CSMD2: variants seen among roughly 807,000 people sequenced by gnomAD.
CSMD2 encodes the protein CUB and sushi domain-containing protein 2.
CSMD2 carries 130 observed loss-of-function variants against 398.5 expected under a neutral mutation model. The ratio of observed to expected loss-of-function variants is 0.33; its 90% CI spans 0.28 to 0.38. The LOEUF is 0.38. Ranked by LOEUF, CSMD2 falls within the 10% of genes least tolerant of loss-of-function variation. The pLI, the probability that CSMD2 is intolerant of heterozygous loss-of-function variation, is 1.00. For synonymous variants in CSMD2, 1,828 were observed against 1,908.5 expected (o/e 0.96, Z 1.10); for missense variants, 3,829 against 4,764.9 (o/e 0.80, Z 5.78).
chr1:33,893,275 T>C (rs575310763), intron 5 of CSMD2, among the ~76,000 whole-genome samples: 4 of 152,306 alleles, frequency 2.6e-5, no homozygotes, highest in African/African-American at 9.6e-5. Flanking sequence ...GTAAGCACAA[T>C]TTTTGGCACT....
rs116758173 is a variant in CSMD2, at chr1:33,779,989, C to T, written c.1664-7238G>A. 1.3e-3 allele frequency among the ~76,000 whole-genome samples: 205 copies of T among 152,176 alleles called. 1 individual carries two copies. Among genetic ancestry groups the T allele is most frequent in the Admixed American group, 5.2e-3 (80 of 15,288 alleles). On this transcript the variant is annotated intron_variant, in intron 12 of 70. Transcript: ENST00000373381. ...CAACAGCGTAGAGTCTAGAGAAGAG[C>T]TAGAAGCTCAGTGTAGTGGGAAGCT...
In CSMD2 at chr1:33,519,750, G is replaced by T; in HGVS notation, c.10736+62C>A. ...AGAGGCTTAGGGGTCTGGTGCGGGG[G>T]GCCCTGGAGGGAGAGAGGGAGGCCT... On this transcript the variant is annotated intron_variant, in intron 69 of 70. Coordinates refer to ENST00000373381, the MANE Select transcript of CSMD2 (RefSeq NM_001281956.2). The surrounding 1 kb of genome is among the most constrained non-coding windows in gnomAD (Gnocchi z 5.6). 1.9e-6 allele frequency: 3 copies of T among 1,612,654 alleles called. No homozygotes were observed. The highest frequency in any genetic ancestry group is 2.5e-6 in the Non-Finnish European group (3 of 1,178,874).
Position 33,580,863 on chromosome 1 carries a change from C to T in CSMD2, c.7277G>A (p.Ser2426Asn). 1 of 1,614,144 alleles carries T rather than the reference C, an allele frequency of 6.2e-7. No homozygotes were observed. Among genetic ancestry groups the T allele is most frequent in the Non-Finnish European group, 8.5e-7 (1 of 1,180,016 alleles). The change falls in exon 48 of 71, where the codon AGT becomes AAT. Residue 2426 changes from serine to asparagine, a missense_variant. Physicochemically the swap from Ser to Asn is conservative, Grantham distance 46. This residue lies in a region of CSMD2 where 723 missense variants were observed against 758.6 expected (regional missense o/e 0.95). Transcript: ENST00000373381. Reference protein sequence around the residue: ...SGQSPLLKALSGNYSAPLIVT... With the variant: ...SGQSPLLKALNGNYSAPLIVT... ...AATCAGGGGAGCTGAGTAATTCCCA[C>T]TGAGGGCTTTCAGCAGAGGACTCTG...
intron 4 of CSMD2, among the ~76,000 whole-genome samples, chr1:33,920,407 T>C (rs896157673): frequency 6.8e-6 from 1 of 147,482 alleles, no homozygotes; most frequent in Non-Finnish European, 1.5e-5. Context: ...CTGGGTGTGG[T>C]GGCGCACATC....
At chr1:33,964,121 C>T (rs1645470248) in intron 3 of CSMD2, among the ~76,000 whole-genome samples, 1 of 152,154 alleles carries the variant, frequency 6.6e-6, no homozygotes, top group African/African-American at 2.4e-5. Context: ...AGAACAACTG[C>T]TCTAAACAGT....
intron 25 of CSMD2, among the ~76,000 whole-genome samples, chr1:33,681,974 A>C (rs1221643236): frequency 2.0e-5 from 3 of 152,160 alleles, no homozygotes; most frequent in East Asian, 1.9e-4. Flanking sequence ...TCAAACAAAC[A>C]AACAAACATA....
At position 33,580,826 on chromosome 1, in the gene CSMD2, T is replaced by G. The variant is rs1638644106; in HGVS notation, c.7314A>C (p.Ser2438=). The change falls in exon 48 of 71, where the codon TCA becomes TCC. Residue 2438 remains serine (S), a synonymous_variant. Transcript: ENST00000373381. The part of the protein sequence containing the change: ...NYSAPLIVTS[S]SNSVYLRWSS... ...ACCAACGCAGGTACACAGAGTTGCT[T>G]GAGCTGGTGACAATCAGGGGAGCTG... 6.2e-7 allele frequency: 1 copy of G among 1,614,042 alleles called. No homozygotes were observed. The highest frequency in any genetic ancestry group is 8.5e-7 in the Non-Finnish European group (1 of 1,180,038).
intron 2 of CSMD2, among the ~76,000 whole-genome samples, chr1:34,082,468 G>A (rs1001357930): frequency 6.7e-5 from 10 of 150,310 alleles, no homozygotes; most frequent in Admixed American, 1.3e-4. Context: ...GGGCGCCCAC[G>A]CCCGGCAGCC....
intron 32 of CSMD2, among the ~76,000 whole-genome samples, chr1:33,631,378 G>T (rs1217276563): frequency 6.6e-6 from 1 of 151,974 alleles, no homozygotes; most frequent in African/African-American, 2.4e-5. Flanking sequence ...GAAAATAAAA[G>T]AAAAGCCACT....
At position 33,537,339 on chromosome 1, in the gene CSMD2, C is replaced by T; in HGVS notation, c.9805+97G>A. 1 of 1,341,512 alleles carries T rather than the reference C, an allele frequency of 7.5e-7. No individual in the cohort carries two copies. The highest frequency in any genetic ancestry group is 1.4e-5 in the South Asian group (1 of 73,956). The allele number at this position is 1,341,512 out of a possible 1,614,324, so 83.1% of individuals were successfully genotyped here. ...GAGATGTTCCCTTTTGCAGATGAGACCACTGAAGACAGGGAAGGAAAGTAA... is the reference window on the plus strand; with the variant it reads ...GAGATGTTCCCTTTTGCAGATGAGATCACTGAAGACAGGGAAGGAAAGTAA... On this transcript the variant is annotated intron_variant, in intron 61 of 70. Coordinates refer to ENST00000373381, the MANE Select transcript of CSMD2 (RefSeq NM_001281956.2). This position sits in a 1 kb window ranked among gnomAD's most constrained non-coding sequence, Gnocchi z 4.6.
At chr1:33,998,925 A>G (rs1220497005) in intron 3 of CSMD2, among the ~76,000 whole-genome samples, 2 of 152,180 alleles carry the variant, frequency 1.3e-5, no homozygotes, top group Non-Finnish European at 2.9e-5. Flanking sequence ...TTGATCCTCA[A>G]CTTAGGAAGT....
intron 3 of CSMD2, among the ~76,000 whole-genome samples, chr1:34,003,737 C>T (rs1185720296): frequency 6.6e-6 from 1 of 152,174 alleles, no homozygotes; most frequent in Non-Finnish European, 1.5e-5. Flanking sequence ...AGGCACCACA[C>T]CCTGCCTCTT....
chr1:33,592,569 T>C, intron 44 of CSMD2: 1 of 710,138 alleles, frequency 1.4e-6, no homozygotes, highest in Non-Finnish European at 2.6e-6. Context: ...TCATATTGTG[T>C]TAAGGTTTTG....
chr1:33,766,885 T>C (rs1409116883), intron 13 of CSMD2, among the ~76,000 whole-genome samples: 1 of 152,242 alleles, frequency 6.6e-6, no homozygotes, highest in Non-Finnish European at 1.5e-5. Flanking sequence ...TTGTTCTTAA[T>C]CTTACAGCTT....
chr1:33,661,722 C>A (rs772986391), intron 26 of CSMD2, among the ~76,000 whole-genome samples: 3 of 152,150 alleles, frequency 2.0e-5, no homozygotes, highest in Non-Finnish European at 4.4e-5. Flanking sequence ...ATCTGCTCCC[C>A]ACGCTGCTAA....
intron 3 of CSMD2, among the ~76,000 whole-genome samples, chr1:33,977,250 C>T (rs1005779387): frequency 2.0e-5 from 3 of 151,882 alleles, no homozygotes; most frequent in Non-Finnish European, 4.4e-5. Flanking sequence ...GGCAAACAGG[C>T]CCAGTGAATG....
Position 33,646,629 on chromosome 1 carries a change from C to G in CSMD2, c.4774+19G>C. ...TAGCTGGACCTGTCCTCAGTACTCT[C>G]TGGCACCAGGGCCCTTACCTGTATA... On this transcript the variant is annotated intron_variant, in intron 29 of 70. Transcript: ENST00000373381. 12 of 1,612,224 alleles carry G rather than the reference C, an allele frequency of 7.4e-6. No homozygotes were observed. The highest frequency in any genetic ancestry group is 9.3e-6 in the Non-Finnish European group (11 of 1,179,632).
chr1:33,889,670 T>C (rs1641849667), intron 5 of CSMD2, among the ~76,000 whole-genome samples: 1 of 151,478 alleles, frequency 6.6e-6, no homozygotes. Flanking sequence ...ATATATATAC[T>C]GACATTGAAA....
chr1:33,764,359 C>G (rs1650214490), intron 13 of CSMD2, among the ~76,000 whole-genome samples: 1 of 152,142 alleles, frequency 6.6e-6, no homozygotes, highest in Admixed American at 6.5e-5. Flanking sequence ...GTAGCAGATA[C>G]AGACCCTCCC....
Sources: gnomAD v4.1 joint callset for allele counts (sites outside exome capture counted in the v4.1 genomes callset) on GRCh38, gnomAD v4.1.1 for gene constraint, gnomAD v4.1.1 regional missense constraint, Gnocchi (gnomAD v3.1) non-coding constraint, MANE v1.5 for transcripts, NCBI Gene and HGNC (gene_info 2026-07-23, HGNC 2026-07-21) for gene names.